BMPR2: variants seen among roughly 807,000 people sequenced by gnomAD.
The protein encoded by BMPR2 is bone morphogenetic protein receptor type 2.
BMPR2 carries 29 observed loss-of-function variants against 100.8 expected under a neutral mutation model. That is an observed-to-expected ratio of 0.29 (90% CI 0.21 to 0.39). The LOEUF (loss-of-function observed/expected upper bound fraction) is 0.39. Ranked by LOEUF, BMPR2 falls within the 10% of genes least tolerant of loss-of-function variation. The probability of loss-of-function intolerance (pLI) is 1.00; values close to 1 mark genes in which losing one functional copy is unlikely to be tolerated. For synonymous variants in BMPR2, 382 were observed against 442.3 expected (o/e 0.86, Z 1.71); for missense variants, 1,011 against 1,274.5 (o/e 0.79, Z 3.15).
chr2:202,475,499 C>A (rs566395963), intron 3 of BMPR2, among the ~76,000 whole-genome samples: 3 of 152,228 alleles, frequency 2.0e-5, no homozygotes, highest in South Asian at 2.1e-4. Flanking sequence ...AATATTAATT[C>A]TTTAATGCAG....
chr2:202,490,085 G>A (rs1692870015), intron 3 of BMPR2, among the ~76,000 whole-genome samples: 1 of 152,140 alleles, frequency 6.6e-6, no homozygotes, highest in Middle Eastern at 3.2e-3. Context: ...TGGATTGCCT[G>A]CTCATAAGAA....
chr2:202,538,893 A>G (rs1477515193), intron 9 of BMPR2, among the ~76,000 whole-genome samples: 1 of 152,130 alleles, frequency 6.6e-6, no homozygotes, highest in Admixed American at 6.5e-5. Flanking sequence ...ACAACTAAAT[A>G]AATTTTTAAA....
chr2:202,406,448 T>C (rs1273806227), intron 1 of BMPR2, among the ~76,000 whole-genome samples: 3 of 152,244 alleles, frequency 2.0e-5, no homozygotes, highest in Non-Finnish European at 2.9e-5. Flanking sequence ...ATTGGTTATA[T>C]GCTGTTAACC....
At chr2:202,522,007 A>C (rs1253189389) in intron 7 of BMPR2, among the ~76,000 whole-genome samples, 1 of 151,934 alleles carries the variant, frequency 6.6e-6, no homozygotes, top group Non-Finnish European at 1.5e-5. Context: ...AAATATAAAA[A>C]AGTTAGCCAG....
chr2:202,496,685 G>T (rs1376602629), intron 3 of BMPR2, among the ~76,000 whole-genome samples: 1 of 152,136 alleles, frequency 6.6e-6, no homozygotes, highest in Non-Finnish European at 1.5e-5. Flanking sequence ...TTATACTTAG[G>T]TGCCTTTTGA....
intron 3 of BMPR2, among the ~76,000 whole-genome samples, chr2:202,479,151 A>AT (rs1310037474): frequency 1.3e-5 from 2 of 152,130 alleles, no homozygotes; most frequent in South Asian, 2.1e-4. Flanking sequence ...CATGACTGTT[A>AT]TTTTGCTGAT....
intron 10 of BMPR2, among the ~76,000 whole-genome samples, chr2:202,545,628 G>C (rs35711585): frequency 0.13 from 19,204 of 152,126 alleles, 1,286 homozygotes; most frequent in Admixed American, 0.14. Context: ...CAGAGACAGG[G>C]TAGAGACACA....
At chr2:202,524,223 G>A (rs564634365) in intron 7 of BMPR2, among the ~76,000 whole-genome samples, 13 of 152,112 alleles carry the variant, frequency 8.5e-5, no homozygotes, top group African/African-American at 3.1e-4. Context: ...TTAGTCGGGT[G>A]TGGTGGTGGG....
At chr2:202,556,609 A>G (rs1232245338) in intron 12 of BMPR2, 78 bp downstream of exon 12, 1 of 1,481,286 alleles carries the variant, frequency 6.8e-7, no homozygotes, top group African/African-American at 1.4e-5. Flanking sequence ...CAACTAATAG[A>G]TATATTTCAA....
At chr2:202,491,206 G>A (rs542452892) in intron 3 of BMPR2, among the ~76,000 whole-genome samples, 2 of 151,980 alleles carry the variant, frequency 1.3e-5, no homozygotes, top group Admixed American at 1.3e-4. Flanking sequence ...ACACAGATGC[G>A]CCACTACACC....
chr2:202,496,975 G>A (rs1000286826), intron 3 of BMPR2, among the ~76,000 whole-genome samples: 10 of 152,262 alleles, frequency 6.6e-5, no homozygotes, highest in Non-Finnish European at 1.5e-4. Context: ...TTCCGGGTGG[G>A]CATGGGCTTG....
At chr2:202,428,452 G>A (rs1430784796) in intron 1 of BMPR2, among the ~76,000 whole-genome samples, 1 of 151,718 alleles carries the variant, frequency 6.6e-6, no homozygotes. Flanking sequence ...AGGCTGGAGC[G>A]CAATGGTGCG....
At chr2:202,386,656 A>G (rs1339715987) in intron 1 of BMPR2, among the ~76,000 whole-genome samples, 4 of 150,656 alleles carry the variant, frequency 2.7e-5, no homozygotes, top group African/African-American at 9.8e-5. Flanking sequence ...TCCTTTCAAC[A>G]TAGTAGCCTG....
At chr2:202,476,438 A>G (rs1692553777) in intron 3 of BMPR2, among the ~76,000 whole-genome samples, 1 of 152,228 alleles carries the variant, frequency 6.6e-6, no homozygotes, top group Non-Finnish European at 1.5e-5. Flanking sequence ...AACATTTAAA[A>G]TACATTCAAA....
chr2:202,540,901 G>GAC (rs906939836), intron 9 of BMPR2, among the ~76,000 whole-genome samples: 1 of 152,076 alleles, frequency 6.6e-6, no homozygotes, highest in Non-Finnish European at 1.5e-5. Flanking sequence ...CGGGTAAAGA[G>GAC]ACAGGAACAG....
At chr2:202,494,463 C>T (rs1328705336) in intron 3 of BMPR2, among the ~76,000 whole-genome samples, 2 of 152,208 alleles carry the variant, frequency 1.3e-5, no homozygotes, top group African/African-American at 2.4e-5. Flanking sequence ...TAGTGGCCCC[C>T]GCCTGGCTCC....
chr2:202,445,223 T>C (rs2105942687), intron 1 of BMPR2, among the ~76,000 whole-genome samples: 1 of 150,316 alleles, frequency 6.7e-6, no homozygotes, highest in South Asian at 2.1e-4. Flanking sequence ...TATTTATTTA[T>C]ATTTGTATTT....
chr2:202,537,204 A>G (rs1688177777), intron 9 of BMPR2, among the ~76,000 whole-genome samples: 1 of 152,148 alleles, frequency 6.6e-6, no homozygotes, highest in Non-Finnish European at 1.5e-5. Context: ...ACCCACAAGT[A>G]TTGTATTATC....
intron 1 of BMPR2, among the ~76,000 whole-genome samples, chr2:202,422,159 G>A (rs759036453): frequency 3.4e-4 from 51 of 151,986 alleles, no homozygotes; most frequent in Non-Finnish European, 6.0e-4. Flanking sequence ...TGCCCGCGTC[G>A]GCCTCCCAGA....
Sources: allele counts gnomAD v4.1 joint callset (sites outside exome capture counted in the v4.1 genomes callset), GRCh38; gene constraint gnomAD v4.1.1; transcripts MANE v1.5; gene names NCBI Gene and HGNC (gene_info 2026-07-23, HGNC 2026-07-21).